The following LRRC49 variants were observed in gnomAD, a reference collection of about 807,000 sequenced individuals.
The protein encoded by LRRC49 is leucine rich repeat containing 49.
Under a neutral mutation model 83.3 loss-of-function variants are expected in LRRC49, and 50 were observed. The ratio of observed to expected loss-of-function variants is 0.60; its 90% confidence interval spans 0.48 to 0.76. The LOEUF (loss-of-function observed/expected upper bound fraction) is 0.76. LRRC49 is among the 30% of genes least tolerant of loss of function. The pLI is 0.00. For missense variants in LRRC49, 704 were observed against 809.1 expected (o/e 0.87, Z 1.58); for synonymous variants, 286 against 283.3 (o/e 1.01, Z -0.10).
intron 11 of LRRC49, among the ~76,000 whole-genome samples, chr15:70,995,818 A>T (rs2038056268): frequency 6.6e-6 from 1 of 152,210 alleles, no homozygotes; most frequent in Admixed American, 6.5e-5. Flanking sequence ...TCCAAGAGAA[A>T]GAGGAAGTAT....
At position 71,049,681 on chromosome 15, in the gene LRRC49, C is replaced by A; in HGVS notation, c.*69C>A. 3.1e-6 allele frequency: 3 copies of A among 967,592 alleles called. No individual in the cohort carries two copies. Among genetic ancestry groups the A allele is most frequent in the Non-Finnish European group, 4.8e-6 (3 of 625,078 alleles). The allele number at this position is 967,592 out of a possible 1,614,324, so 59.9% of individuals were successfully genotyped here. ...GAAGGTTGAAAATATGCAGGTTATA[C>A]ATGTTAAAACAACAACAACACTATC... On this transcript the variant is annotated 3_prime_UTR_variant, in exon 16 of 16. Transcript: ENST00000260382.
chr15:70,963,098 A>G (rs1157624447), intron 8 of LRRC49, among the ~76,000 whole-genome samples: 1 of 151,758 alleles, frequency 6.6e-6, no homozygotes. Context: ...GACGCTTTTT[A>G]TTTTGTAGAC....
chr15:71,038,039 G>A (rs2039578659), intron 15 of LRRC49, among the ~76,000 whole-genome samples: 2 of 152,086 alleles, frequency 1.3e-5, no homozygotes, highest in African/African-American at 4.8e-5. Context: ...CCCTTCAAGA[G>A]ATTTTGAGGG....
At chr15:71,003,609 G>C (rs2038342998) in intron 11 of LRRC49, among the ~76,000 whole-genome samples, 1 of 152,038 alleles carries the variant, frequency 6.6e-6, no homozygotes, top group Admixed American at 6.6e-5. Flanking sequence ...ATAAATCTGT[G>C]TTCTCTTTTA....
chr15:70,859,811 A>G (rs1382216955), intron 1 of LRRC49: 4 of 753,744 alleles, frequency 5.3e-6, no homozygotes, highest in Non-Finnish European at 9.9e-6. Context: ...CAGGCAGGAT[A>G]TGGTGTGGCA....
intron 8 of LRRC49, among the ~76,000 whole-genome samples, chr15:70,948,518 A>G (rs1363523023): frequency 6.9e-6 from 1 of 145,982 alleles, no homozygotes; most frequent in Non-Finnish European, 1.5e-5. Context: ...TTTTGCATAC[A>G]GGGAACAAAA....
At chr15:70,976,665 T>C (rs933436060) in intron 9 of LRRC49, among the ~76,000 whole-genome samples, 3 of 152,178 alleles carry the variant, frequency 2.0e-5, no homozygotes, top group African/African-American at 7.2e-5. Context: ...GAGGAAAAAG[T>C]AGTTTTTTGT....
chr15:71,045,598 A>T (rs1025021685), intron 15 of LRRC49, among the ~76,000 whole-genome samples: 1 of 152,164 alleles, frequency 6.6e-6, no homozygotes, highest in Non-Finnish European at 1.5e-5. Flanking sequence ...AGTTTTGACA[A>T]TTCATACATT....
intron 11 of LRRC49, 114 bp downstream of exon 11, chr15:70,984,371 G>A: frequency 1.1e-6 from 1 of 893,426 alleles, no homozygotes; most frequent in Non-Finnish European, 1.6e-6. Flanking sequence ...AAGAAAACTT[G>A]CTGAAATTAG....
upstream of LRRC49, among the ~76,000 whole-genome samples, chr15:70,888,387 G>A (rs1470301358): frequency 6.6e-6 from 1 of 152,160 alleles, no homozygotes; most frequent in Non-Finnish European, 1.5e-5. Flanking sequence ...CTTGATTTAT[G>A]ACAAAGTTGA....
At chr15:70,940,522 C>T (rs187696898) in intron 8 of LRRC49, among the ~76,000 whole-genome samples, 5 of 152,280 alleles carry the variant, frequency 3.3e-5, no homozygotes, top group African/African-American at 4.8e-5. Context: ...GGATTACAGG[C>T]GTGAGCCACT....
chr15:70,891,870 C>A (rs1274297304), upstream of LRRC49: 36 of 1,605,690 alleles, frequency 2.2e-5, no homozygotes, highest in Non-Finnish European at 3.1e-5. Context: ...TGCTTCCCAG[C>A]TCGGGGGCGT....
At chr15:70,899,049 TC>T (rs2141104815) in intron 3 of LRRC49, among the ~76,000 whole-genome samples, 1 of 152,296 alleles carries the variant, frequency 6.6e-6, no homozygotes, top group South Asian at 2.1e-4. Flanking sequence ...GTATATCACA[TC>T]GATAGTAAGT....
At chr15:70,882,653 G>A (rs1294857337) in intron 2 of LRRC49, 2 of 1,613,362 alleles carry the variant, frequency 1.2e-6, no homozygotes, top group Admixed American at 3.3e-5. Context: ...TTGAATACCT[G>A]AAAGAGAATA....
chr15:71,004,931 C>T (rs1036604525), intron 11 of LRRC49, among the ~76,000 whole-genome samples: 1 of 152,006 alleles, frequency 6.6e-6, no homozygotes, highest in African/African-American at 2.4e-5. Context: ...AAATAACTAA[C>T]GGGTACTAGG....
intron 1 of LRRC49, among the ~76,000 whole-genome samples, chr15:70,866,891 G>T (rs946327047): frequency 1.3e-5 from 2 of 151,972 alleles, no homozygotes; most frequent in Admixed American, 1.3e-4. Flanking sequence ...GGGTTGGAAA[G>T]TTGAAATAAG....
At chr15:70,905,212 C>G (rs1269662412) in intron 5 of LRRC49, among the ~76,000 whole-genome samples, 1 of 152,188 alleles carries the variant, frequency 6.6e-6, no homozygotes, top group East Asian at 1.9e-4. Context: ...CCTATATGAA[C>G]TTTCCCAGTT....
chr15:70,920,105 C>CT, intron 7 of LRRC49, among the ~76,000 whole-genome samples: 1 of 152,246 alleles, frequency 6.6e-6, no homozygotes, highest in Admixed American at 6.5e-5. Context: ...AGAAAAACTG[C>CT]TTTAAGTTCT....
intron 7 of LRRC49, among the ~76,000 whole-genome samples, chr15:70,926,886 G>A (rs527826601): frequency 1.6e-4 from 25 of 152,088 alleles, no homozygotes; most frequent in African/African-American, 4.8e-4. Flanking sequence ...AAATTTACAA[G>A]GAAAAAACAA....
Sources: allele counts gnomAD v4.1 joint callset (sites outside exome capture counted in the v4.1 genomes callset), GRCh38; gene constraint gnomAD v4.1.1; transcripts MANE v1.5; gene names NCBI Gene and HGNC (gene_info 2026-07-23, HGNC 2026-07-21).